MACROD2: variants seen among roughly 807,000 people sequenced by gnomAD.
MACROD2 encodes ADP-ribose glycohydrolase MACROD2.
MACROD2 carries 36 observed loss-of-function variants against 70.4 expected under a neutral mutation model. The ratio of observed to expected loss-of-function variants is 0.51; its 90% CI spans 0.39 to 0.68. MACROD2 has a LOEUF of 0.68. Ranked by LOEUF, MACROD2 falls within the 30% of genes least tolerant of loss-of-function variation. The probability of loss-of-function intolerance (pLI) is 0.00; values close to 1 mark genes in which losing one functional copy is unlikely to be tolerated. For synonymous variants in MACROD2, 172 were observed against 178.8 expected, an observed-to-expected ratio of 0.96 and a Z score of 0.30; for missense variants, 496 against 538.4, an observed-to-expected ratio of 0.92 and a Z score of 0.78.
At chr20:15,136,231 C>G (rs1456515592) in intron 5 of MACROD2, among the ~76,000 whole-genome samples, 4 of 145,562 alleles carry the variant, frequency 2.7e-5, no homozygotes, top group South Asian at 4.5e-4. Context: ...CATATGGAAC[C>G]AAAAAAGAGC....
At chr20:14,994,459 G>A (rs2074932633) in intron 5 of MACROD2, among the ~76,000 whole-genome samples, 1 of 152,032 alleles carries the variant, frequency 6.6e-6, no homozygotes, top group African/African-American at 2.4e-5. Flanking sequence ...GAAGGCAGAT[G>A]GCACGGGAGC....
At position 16,023,011 on chromosome 20, in the gene MACROD2, G is replaced by A. The variant is rs148325384; in HGVS notation, c.1154-18190G>A. Reference sequence around the variant, plus strand: ...TAATCAATGTGTTTATGGCATCTCAGAAGAGTTTTATTTTTCTACTAATGA... The same window carrying A: ...TAATCAATGTGTTTATGGCATCTCAAAAGAGTTTTATTTTTCTACTAATGA... On this transcript the variant is annotated intron_variant, in intron 15 of 17. Coordinates refer to ENST00000684519, the MANE Select transcript of MACROD2 (RefSeq NM_001351661.2). Among the ~76,000 whole-genome samples the A allele has an allele frequency of 1.3e-4, 20 of 152,284 alleles. No homozygotes were observed. The East Asian group carries it at 3.7e-3, about 28-fold the overall frequency.
intron 8 of MACROD2, chr20:15,619,434 C>A (rs2049093083): frequency 4.0e-6 from 1 of 247,314 alleles, no homozygotes; most frequent in Non-Finnish European, 8.6e-6. Flanking sequence ...CGATTTCAGA[C>A]CCAGAGGATC....
At chr20:14,510,174 G>A (rs1307756630) in intron 4 of MACROD2, among the ~76,000 whole-genome samples, 1 of 151,980 alleles carries the variant, frequency 6.6e-6, no homozygotes, top group African/African-American at 2.4e-5. Context: ...ATTTATGGCA[G>A]CGTTTGGAAC....
chr20:15,937,406 G>T lies in MACROD2; in HGVS notation c.839-70G>T, dbSNP rs6080030. On this transcript the variant is annotated intron_variant, in intron 11 of 17. Transcript: ENST00000684519. ...TTGGTGGAGAGTGGAGGGAGGTGCA[G>T]GGCAGGAAAGCCACAGCTGGACTTC... The T allele has an allele frequency of 1.4e-4, 190 of 1,404,256 alleles. No homozygotes were observed. The East Asian group carries it at 3.2e-3, about 24-fold the overall frequency. The allele number at this position is 1,404,256 out of a possible 1,614,324, so 87.0% of individuals were successfully genotyped here. A position where few individuals can be genotyped will look rare whatever the true frequency, so the allele number is the denominator to read the frequency against.
At chr20:14,522,299 G>A (rs1029773529) in intron 4 of MACROD2, among the ~76,000 whole-genome samples, 39 of 152,188 alleles carry the variant, frequency 2.6e-4, no homozygotes, top group African/African-American at 9.2e-4. Flanking sequence ...AATAAATACA[G>A]CACAACCCAA....
intron 4 of MACROD2, among the ~76,000 whole-genome samples, chr20:14,515,581 A>G (rs1443445722): frequency 2.0e-5 from 3 of 151,990 alleles, no homozygotes; most frequent in Non-Finnish European, 4.4e-5. Flanking sequence ...TTATGACATT[A>G]TGCTAAATGA....
chr20:15,598,070 ACT>A (rs2048769598), intron 8 of MACROD2, among the ~76,000 whole-genome samples: 2 of 152,104 alleles, frequency 1.3e-5, no homozygotes, highest in Non-Finnish European at 2.9e-5. Flanking sequence ...ACAGTGTGAG[ACT>A]CTGTCTCAAA....
intron 5 of MACROD2, among the ~76,000 whole-genome samples, chr20:14,919,957 G>A (rs968173565): frequency 1.3e-5 from 2 of 152,094 alleles, no homozygotes; most frequent in Admixed American, 1.3e-4. Context: ...CAGACTTCCA[G>A]AGCCTGCTGA....
At position 15,905,172 on chromosome 20, in the gene MACROD2, A is replaced by G. The variant is rs144284017; in HGVS notation, c.775+19361A>G. On this transcript the variant is annotated intron_variant, in intron 10 of 17. Transcript: ENST00000684519. ...AATATTTCCATCCTTAATTCAAAGC[A>G]CAGAATCATGGCTTTTAATGGCCAA... Among the ~76,000 whole-genome samples, 416 of 152,254 alleles carry G rather than the reference A, an allele frequency of 2.7e-3. 1 individual carries two copies. The highest frequency in any genetic ancestry group is 9.6e-3 in the African/African-American group (400 of 41,538).
At chr20:14,002,456 A>G (rs774099907) in intron 2 of MACROD2, 52 bp downstream of exon 2, 6 of 1,098,738 alleles carry the variant, frequency 5.5e-6, no homozygotes, top group East Asian at 4.8e-5. Flanking sequence ...TTTTAGGACA[A>G]TTGTTGACAG....
chr20:14,999,290 C>A (rs925459839), intron 5 of MACROD2, among the ~76,000 whole-genome samples: 4 of 152,182 alleles, frequency 2.6e-5, no homozygotes, highest in Admixed American at 2.6e-4. Flanking sequence ...TACTCATCTT[C>A]AGTAGGAAGA....
At chr20:15,968,056 CAG>C (rs938763703) in intron 13 of MACROD2, among the ~76,000 whole-genome samples, 4 of 152,194 alleles carry the variant, frequency 2.6e-5, no homozygotes, top group Admixed American at 2.0e-4. Flanking sequence ...AGAAAAATAA[CAG>C]AAAATAATTT....
intron 4 of MACROD2, among the ~76,000 whole-genome samples, chr20:14,551,182 G>A (rs546756115): frequency 6.6e-6 from 1 of 152,182 alleles, no homozygotes; most frequent in African/African-American, 2.4e-5. Flanking sequence ...TGGGAAACAT[G>A]AAAATTAAGA....
chr20:15,550,909 G>GCTTGATTTCAAGGTATCTCAACC, intron 8 of MACROD2, among the ~76,000 whole-genome samples: 1 of 152,338 alleles, frequency 6.6e-6, no homozygotes, highest in East Asian at 1.9e-4. Context: ...AGCCAGGGCA[G>GCTTGATTTCAAGGTATCTCAACC]CTTGATTTCA....
chr20:14,293,295 C>T (rs986975575), intron 3 of MACROD2, among the ~76,000 whole-genome samples: 1 of 151,440 alleles, frequency 6.6e-6, no homozygotes, highest in African/African-American at 2.4e-5. Flanking sequence ...AAACAGCTAA[C>T]AAACACTCAA....
intron 10 of MACROD2, among the ~76,000 whole-genome samples, chr20:15,918,769 A>G (rs1395529654): frequency 1.3e-5 from 2 of 152,214 alleles, no homozygotes; most frequent in African/African-American, 2.4e-5. Context: ...AGTGTGCTCT[A>G]TCATCCCTCC....
chr20:15,155,442 C>T (rs2076300521), intron 5 of MACROD2, among the ~76,000 whole-genome samples: 1 of 152,184 alleles, frequency 6.6e-6, no homozygotes, highest in Admixed American at 6.5e-5. Context: ...CATGACTTTC[C>T]TTAGCCTGCC....
intron 4 of MACROD2, among the ~76,000 whole-genome samples, chr20:14,600,034 C>G (rs751541690): frequency 2.6e-5 from 4 of 151,994 alleles, no homozygotes; most frequent in Non-Finnish European, 5.9e-5. Flanking sequence ...TAGGAGAACT[C>G]AGCTACTGAG....
Sources: gnomAD v4.1 joint callset for allele counts (sites outside exome capture counted in the v4.1 genomes callset) on GRCh38, gnomAD v4.1.1 for gene constraint, MANE v1.5 for transcripts, NCBI Gene and HGNC (gene_info 2026-07-23, HGNC 2026-07-21) for gene names.